The following PCDH11X variants were observed in gnomAD, a reference collection of about 807,000 sequenced individuals.
The protein encoded by PCDH11X is protocadherin-11 X-linked.
In PCDH11X, 18 loss-of-function variants were observed where a neutral mutation model predicts 53.3. That is an observed-to-expected ratio of 0.34 (90% confidence interval 0.23 to 0.50). The LOEUF is 0.50. Among genes scored for constraint, PCDH11X ranks in the 20% least tolerant of loss-of-function variants. The pLI, the probability that PCDH11X is intolerant of heterozygous loss-of-function variation, is 0.98. For synonymous variants in PCDH11X, 279 were observed against 393.3 expected (o/e 0.71, Z 3.44); for missense variants, 570 against 1,032.4 (o/e 0.55, Z 6.14).
At chrX:91,828,244 C>T (rs57545703) in intron 4 of PCDH11X, among the ~76,000 whole-genome samples, 81 of 108,716 alleles carry the variant, frequency 7.5e-4, no homozygotes, top group Middle Eastern at 9.4e-3. Context: ...CTCAGCCTCC[C>T]GCATAGCTGG....
chrX:92,554,846 C>T (rs1395194843), intron 10 of PCDH11X, among the ~76,000 whole-genome samples: 1 of 111,011 alleles, frequency 9.0e-6, no homozygotes, highest in Non-Finnish European at 1.9e-5. Flanking sequence ...TTCTTCTTGG[C>T]ATGCCTTTAT....
chrX:91,832,098 A>T (rs1204487662), intron 4 of PCDH11X, among the ~76,000 whole-genome samples: 2 of 107,065 alleles, frequency 1.9e-5, no homozygotes, highest in East Asian at 6.1e-4. Flanking sequence ...TTCCTCAAGG[A>T]TCTAGAACTA....
intron 6 of PCDH11X, among the ~76,000 whole-genome samples, chrX:91,972,454 T>G (rs1256113397): frequency 1.9e-5 from 2 of 103,811 alleles, no homozygotes; most frequent in African/African-American, 3.5e-5. Flanking sequence ...TTAGTTTAAT[T>G]AGATCCCATT....
chrX:92,417,283 T>G (rs1242760842), intron 9 of PCDH11X, among the ~76,000 whole-genome samples: 1 of 111,798 alleles, frequency 8.9e-6, no homozygotes, highest in East Asian at 2.8e-4. Flanking sequence ...CACTTTCTTT[T>G]CATGTATATT....
intron 8 of PCDH11X, among the ~76,000 whole-genome samples, chrX:92,320,799 G>C (rs552312255): frequency 9.0e-6 from 1 of 111,589 alleles, no homozygotes; most frequent in East Asian, 2.9e-4. Flanking sequence ...CTTTAAAGAA[G>C]AGGGATTGGG....
intron 10 of PCDH11X, among the ~76,000 whole-genome samples, chrX:92,482,405 A>G (rs1358896168): frequency 1.8e-5 from 2 of 109,272 alleles, no homozygotes; most frequent in Non-Finnish European, 3.8e-5. Context: ...CTGTGAAATA[A>G]TTTTCTATGA....
intron 6 of PCDH11X, among the ~76,000 whole-genome samples, chrX:91,926,170 T>G (rs1398282530): frequency 9.3e-6 from 1 of 107,298 alleles, no homozygotes; most frequent in Non-Finnish European, 1.9e-5. Context: ...TTATGGAGGC[T>G]TGGTGAGCCC....
intron 10 of PCDH11X, among the ~76,000 whole-genome samples, chrX:92,508,115 C>T (rs2750872): frequency 1.1e-4 from 12 of 110,541 alleles, no homozygotes; most frequent in South Asian, 3.8e-4. Context: ...GCACCCAGTC[C>T]GATGAATTAA....
intron 6 of PCDH11X, among the ~76,000 whole-genome samples, chrX:92,116,592 A>G (rs1435269780): frequency 9.0e-6 from 1 of 111,686 alleles, no homozygotes; most frequent in African/African-American, 3.3e-5. Context: ...TTATTTATCT[A>G]TTATTATTTT....
chrX:92,260,923 T>C (rs1486216995), intron 7 of PCDH11X, among the ~76,000 whole-genome samples: 1 of 111,556 alleles, frequency 9.0e-6, no homozygotes, highest in Non-Finnish European at 1.9e-5. Flanking sequence ...TTTCTCCCAC[T>C]CCTCACTATA....
chrX:92,022,482 A>G (rs779161708), intron 6 of PCDH11X, among the ~76,000 whole-genome samples: 3 of 108,248 alleles, frequency 2.8e-5, no homozygotes, highest in East Asian at 3.0e-4. Flanking sequence ...AGAGCTAACT[A>G]TCCTAAATAT....
Position 92,456,302 on chromosome X carries a change from G to A in PCDH11X, c.3344-11997G>A, listed in dbSNP as rs146585574. 4.8e-4 allele frequency among the ~76,000 whole-genome samples: 54 copies of A among 111,359 alleles called. No homozygotes were observed. In the East Asian group the frequency reaches 9.0e-3, roughly 19 times the overall value. ...CAAATTCTTAGCAATATTAATATGCGTATTTGAACTAATTTCTGTGTGAAT... is the reference window on the plus strand; with the variant it reads ...CAAATTCTTAGCAATATTAATATGCATATTTGAACTAATTTCTGTGTGAAT... On this transcript the variant is annotated intron_variant, in intron 9 of 10. Coordinates refer to ENST00000682573, the MANE Select transcript of PCDH11X (RefSeq NM_032968.5).
chrX:92,074,295 T>G (rs2063744396), intron 6 of PCDH11X, among the ~76,000 whole-genome samples: 1 of 111,147 alleles, frequency 9.0e-6, no homozygotes, highest in African/African-American at 3.3e-5. Flanking sequence ...GATGGCAGTT[T>G]TTCTATATTC....
chrX:92,436,871 G>T (rs926370049), intron 9 of PCDH11X, among the ~76,000 whole-genome samples: 13 of 108,249 alleles, frequency 1.2e-4, no homozygotes, highest in Non-Finnish European at 2.1e-4. Context: ...TGAGTACTAG[G>T]TTTAGTACCT....
At chrX:92,510,425 C>T (rs1342123419) in intron 10 of PCDH11X, among the ~76,000 whole-genome samples, 6 of 107,769 alleles carry the variant, frequency 5.6e-5, no homozygotes, top group Non-Finnish European at 9.6e-5. Flanking sequence ...TTTAAAGTAA[C>T]TATCAGTATA....
At chrX:92,269,042 T>A (rs2067895277) in intron 8 of PCDH11X, among the ~76,000 whole-genome samples, 1 of 112,206 alleles carries the variant, frequency 8.9e-6, no homozygotes, top group African/African-American at 3.2e-5. Flanking sequence ...GATTTCAAGG[T>A]CTCCATAATT....
chrX:92,351,190 T>G (rs1396295854), intron 8 of PCDH11X, among the ~76,000 whole-genome samples: 1 of 111,975 alleles, frequency 8.9e-6, no homozygotes, highest in Non-Finnish European at 1.9e-5. Flanking sequence ...TAAAATTACT[T>G]CTAATTTACA....
chrX:91,841,045 C>T (rs1485833722), intron 5 of PCDH11X, among the ~76,000 whole-genome samples: 1 of 110,076 alleles, frequency 9.1e-6, no homozygotes, highest in Non-Finnish European at 1.9e-5. Flanking sequence ...TGTTAAAAAG[C>T]AAAAGAGATG....
At chrX:92,350,013 C>G (rs1411319698) in intron 8 of PCDH11X, among the ~76,000 whole-genome samples, 2 of 110,671 alleles carry the variant, frequency 1.8e-5, no homozygotes, top group African/African-American at 6.6e-5. Flanking sequence ...GTACTCTTTC[C>G]TGGTCTCCCT....
Sources: allele counts gnomAD v4.1 joint callset (sites outside exome capture counted in the v4.1 genomes callset), GRCh38; gene constraint gnomAD v4.1.1; transcripts MANE v1.5; gene names NCBI Gene and HGNC (gene_info 2026-07-23, HGNC 2026-07-21).